SNX29: variants seen among roughly 807,000 people sequenced by gnomAD.
SNX29 encodes sorting nexin 29.
SNX29 carries 78 observed loss-of-function variants against 102.1 expected under a neutral mutation model. The observed-to-expected ratio is 0.76, with a 90% CI of 0.64 to 0.92. The LOEUF is 0.92. SNX29 is among the 40% of genes least tolerant of loss of function. The pLI is 0.00. For synonymous variants in SNX29, 580 were observed against 414.5 expected (o/e 1.40, Z -4.85); for missense variants, 1,280 against 1,061.7 (o/e 1.21, Z -2.86).
At chr16:12,417,873 C>G (rs755861526) in intron 18 of SNX29, among the ~76,000 whole-genome samples, 1 of 152,054 alleles carries the variant, frequency 6.6e-6, no homozygotes, top group Non-Finnish European at 1.5e-5. Flanking sequence ...GGAAGAGAAG[C>G]GCTGTATGCC....
At chr16:12,534,170 C>T (rs922539294) in intron 20 of SNX29, among the ~76,000 whole-genome samples, 1 of 152,242 alleles carries the variant, frequency 6.6e-6, no homozygotes, top group Admixed American at 6.5e-5. Flanking sequence ...CTCTGCGGTT[C>T]TGACTGAGGT....
intron 13 of SNX29, among the ~76,000 whole-genome samples, chr16:12,149,274 C>G (rs530510818): frequency 1.3e-5 from 2 of 152,288 alleles, no homozygotes; most frequent in African/African-American, 4.8e-5. Context: ...GCCAACTTCT[C>G]GTACAGAGGT....
chr16:12,237,889 C>T (rs536652173), intron 14 of SNX29, among the ~76,000 whole-genome samples: 3 of 152,158 alleles, frequency 2.0e-5, no homozygotes, highest in African/African-American at 7.2e-5. Flanking sequence ...GCCTGGGCAA[C>T]AAGAGTGAAA....
At chr16:12,411,158 G>A (rs2084383185) in intron 18 of SNX29, among the ~76,000 whole-genome samples, 1 of 152,202 alleles carries the variant, frequency 6.6e-6, no homozygotes, top group Non-Finnish European at 1.5e-5. Flanking sequence ...CCGTTCTAAG[G>A]CTGAAGCATT....
At chr16:12,539,486 T>A (rs1029148270) in intron 20 of SNX29, among the ~76,000 whole-genome samples, 1 of 152,202 alleles carries the variant, frequency 6.6e-6, no homozygotes, top group Non-Finnish European at 1.5e-5. Flanking sequence ...TATCTAGTCA[T>A]AAAGGAATAA....
intron 18 of SNX29, among the ~76,000 whole-genome samples, chr16:12,431,435 T>TTC (rs1555535609): frequency 1.7e-5 from 2 of 115,778 alleles, no homozygotes; most frequent in African/African-American, 7.9e-5. Flanking sequence ...CTTCTTCTTC[T>TTC]TTTTTTTTTT....
At chr16:12,296,624 G>T (rs549631773) in intron 15 of SNX29, among the ~76,000 whole-genome samples, 3 of 152,188 alleles carry the variant, frequency 2.0e-5, no homozygotes, top group East Asian at 1.9e-4. Context: ...AACAGGCAGG[G>T]GGCCTGCAGG....
In SNX29 at chr16:12,572,846, A is replaced by G. The variant is rs1020778032; in HGVS notation, c.*4217A>G. On this transcript the variant is annotated 3_prime_UTR_variant, in exon 21 of 21. Coordinates refer to ENST00000566228, the MANE Select transcript of SNX29 (RefSeq NM_032167.5). Reference sequence around the variant, plus strand: ...TCCCAGAAGGGGCAGCCTCATGCCCAGGTTTCAGCCCTAAAGGTAATGATT... The same window carrying G: ...TCCCAGAAGGGGCAGCCTCATGCCCGGGTTTCAGCCCTAAAGGTAATGATT... The G allele has an allele frequency of 6.6e-6, 7 of 1,063,672 alleles. No homozygotes were observed. Among genetic ancestry groups the G allele is most frequent in the Non-Finnish European group, 8.0e-6 (7 of 878,232 alleles). The allele number at this position is 1,063,672 out of a possible 1,614,324, so 65.9% of individuals were successfully genotyped here.
At chr16:12,130,728 C>T (rs2054428530) in intron 13 of SNX29, among the ~76,000 whole-genome samples, 1 of 151,624 alleles carries the variant, frequency 6.6e-6, no homozygotes, top group Non-Finnish European at 1.5e-5. Context: ...CTTTTCTTTC[C>T]CTTCTCCTCC....
At chr16:12,314,984 T>G (rs2080683865) in intron 15 of SNX29, among the ~76,000 whole-genome samples, 1 of 152,250 alleles carries the variant, frequency 6.6e-6, no homozygotes, top group Non-Finnish European at 1.5e-5. Flanking sequence ...AACCACAAGT[T>G]CCACAAAATT....
At chr16:12,039,957 TA>T (rs2057581592) in intron 4 of SNX29, among the ~76,000 whole-genome samples, 1 of 152,234 alleles carries the variant, frequency 6.6e-6, no homozygotes, top group South Asian at 2.1e-4. Context: ...CAGTAAATAG[TA>T]GTTGCTGTTG....
intron 18 of SNX29, among the ~76,000 whole-genome samples, chr16:12,474,862 G>A (rs2087517782): frequency 6.6e-6 from 1 of 152,186 alleles, no homozygotes; most frequent in Admixed American, 6.5e-5. Flanking sequence ...GTGAAGCAGT[G>A]CTCATGTTTT....
chr16:12,541,923 A>G (rs2077359909), intron 20 of SNX29, among the ~76,000 whole-genome samples: 1 of 152,182 alleles, frequency 6.6e-6, no homozygotes. Flanking sequence ...CTGATTGCCC[A>G]CGGTACATCC....
chr16:12,383,121 T>C (rs2083231399), intron 16 of SNX29, among the ~76,000 whole-genome samples: 1 of 152,204 alleles, frequency 6.6e-6, no homozygotes, highest in Non-Finnish European at 1.5e-5. Flanking sequence ...TATAAGCCTT[T>C]AGACATTAAG....
rs1395477768 is a variant in SNX29 at position 12,043,544 on chromosome 16, A to T, written c.428+467A>T. Among the ~76,000 whole-genome samples, 9 of 151,812 alleles carry T rather than the reference A, an allele frequency of 5.9e-5. 1 individual carries two copies. Among genetic ancestry groups the T allele is most frequent in the African/African-American group, 2.2e-4 (9 of 41,268 alleles). ...TAATTTAAAAAATTTTTTTGTAGCG[A>T]TGGGGTCTCAGTGTGTTGCCCAGGC... On this transcript the variant is annotated intron_variant, in intron 5 of 20. Transcript: ENST00000566228.
chr16:12,403,126 G>C (rs979497795), intron 17 of SNX29, among the ~76,000 whole-genome samples: 1 of 152,056 alleles, frequency 6.6e-6, no homozygotes, highest in African/African-American at 2.4e-5. Context: ...CTGAGGTTCA[G>C]ATACATTATG....
rs1175527589 is a variant in SNX29, at chr16:12,566,085, C to A, written c.2319-2421C>A. ...ATTGTCTCTCTAGGCACTTGATCCC[C>A]ATGATGCTTAAAACCACCCCACCTT... On this transcript the variant is annotated intron_variant, in intron 20 of 20. Coordinates refer to ENST00000566228, the MANE Select transcript of SNX29 (RefSeq NM_032167.5). Among the ~76,000 whole-genome samples, 5 of 152,248 alleles carry A rather than the reference C, an allele frequency of 3.3e-5. No individual in the cohort carries two copies. The East Asian group carries it at 7.7e-4, about 23-fold the overall frequency.
At position 12,570,009 on chromosome 16, in the gene SNX29, A is replaced by C. The variant is rs2079152681; in HGVS notation, c.*1380A>C. On this transcript the variant is annotated 3_prime_UTR_variant, in exon 21 of 21. Transcript: ENST00000566228. Reference sequence around the variant, plus strand: ...TGCTTCAACTCAGTGGCTTAAAATGAGAACTGCCCAGGTGAGCATGGAGCA... The same window carrying C: ...TGCTTCAACTCAGTGGCTTAAAATGCGAACTGCCCAGGTGAGCATGGAGCA... The C allele has an allele frequency of 3.4e-6, 1 of 295,764 alleles. No individual in the cohort carries two copies. Among genetic ancestry groups the C allele is most frequent in the African/African-American group, 2.2e-5 (1 of 46,374 alleles). 18.3% of individuals were successfully genotyped at this position (295,764 alleles called of 1,614,324 possible). A position where few individuals can be genotyped will look rare whatever the true frequency, so the allele number is the denominator to read the frequency against.
chr16:12,170,747 A>T (rs970935582), intron 13 of SNX29, among the ~76,000 whole-genome samples: 7 of 140,376 alleles, frequency 5.0e-5, no homozygotes, highest in Non-Finnish European at 1.0e-4. Context: ...TGAGTGAGTG[A>T]GTGTGTGTGT....
Sources: allele counts gnomAD v4.1 joint callset (sites outside exome capture counted in the v4.1 genomes callset), GRCh38; gene constraint gnomAD v4.1.1; transcripts MANE v1.5; gene names NCBI Gene and HGNC (gene_info 2026-07-23, HGNC 2026-07-21).